The following ASTN2 variants were observed in gnomAD, a reference collection of about 807,000 sequenced individuals.
The protein encoded by ASTN2 is astrotactin 2.
ASTN2 carries 54 observed loss-of-function variants against 139.8 expected under a neutral mutation model. That is an observed-to-expected ratio of 0.39 (90% CI 0.31 to 0.48). The LOEUF (loss-of-function observed/expected upper bound fraction) is 0.48, where lower values mean the gene tolerates loss of function less well. Among genes scored for constraint, ASTN2 ranks in the 20% least tolerant of loss-of-function variants. The probability of loss-of-function intolerance (pLI) is 0.95; values close to 1 mark genes in which losing one functional copy is unlikely to be tolerated. For missense variants in ASTN2, 1,565 were observed against 1,725.1 expected, an observed-to-expected ratio of 0.91 and a Z score of 1.64; for synonymous variants, 756 against 719.5, an observed-to-expected ratio of 1.05 and a Z score of -0.81.
At chr9:116,788,263 T>C (rs1028232004) in intron 13 of ASTN2, among the ~76,000 whole-genome samples, 1 of 152,156 alleles carries the variant, frequency 6.6e-6, no homozygotes, top group Middle Eastern at 3.2e-3. Flanking sequence ...AGTCCATTGC[T>C]CAGTGTGGTG....
intron 13 of ASTN2, among the ~76,000 whole-genome samples, chr9:116,803,502 ATATATATATATATATATATATTTTTTTTT>A (rs1223410128): frequency 4.8e-4 from 4 of 8,340 alleles, no homozygotes; most frequent in Admixed American, 2.0e-3. Flanking sequence ...ATATATATAT[ATATATATATATATATATATATTTTTTTTT>A]TTTTTTTTTT....
intron 2 of ASTN2, among the ~76,000 whole-genome samples, chr9:117,249,963 C>A (rs1284444785): frequency 1.3e-5 from 2 of 152,304 alleles, no homozygotes; most frequent in Non-Finnish European, 2.9e-5. Flanking sequence ...TCACTAACCG[C>A]CCACTCTGAG....
chr9:116,969,471 G>A (rs1836120537), intron 10 of ASTN2, among the ~76,000 whole-genome samples: 3 of 152,110 alleles, frequency 2.0e-5, no homozygotes, highest in Admixed American at 1.3e-4. Flanking sequence ...TGGGAAAGGG[G>A]GCATCTCATT....
chr9:116,480,728 G>A (rs1006939275), intron 20 of ASTN2, among the ~76,000 whole-genome samples: 1 of 152,172 alleles, frequency 6.6e-6, no homozygotes, highest in Non-Finnish European at 1.5e-5. Context: ...CACATGGGAA[G>A]AGTCAAGGGA....
chr9:117,387,597 G>A (rs1830431779), intron 1 of ASTN2, among the ~76,000 whole-genome samples: 1 of 152,194 alleles, frequency 6.6e-6, no homozygotes, highest in Admixed American at 6.5e-5. Context: ...ACATTAGTGG[G>A]AAGATAAGAT....
chr9:117,047,308 G>C (rs1480483072), intron 5 of ASTN2, among the ~76,000 whole-genome samples: 1 of 152,108 alleles, frequency 6.6e-6, no homozygotes, highest in Non-Finnish European at 1.5e-5. Flanking sequence ...CTCAATATGG[G>C]ACATATTTTC....
intron 11 of ASTN2, among the ~76,000 whole-genome samples, chr9:116,843,177 A>G (rs1326228698): frequency 6.6e-6 from 1 of 152,214 alleles, no homozygotes; most frequent in African/African-American, 2.4e-5. Context: ...TAGCAAAGAC[A>G]TGGACTCAAC....
intron 5 of ASTN2, among the ~76,000 whole-genome samples, chr9:117,050,275 G>T (rs1019927709): frequency 6.6e-6 from 1 of 152,126 alleles, no homozygotes; most frequent in Non-Finnish European, 1.5e-5. Context: ...TCCATGAAAG[G>T]TTCATTTCTA....
At chr9:116,776,017 G>T (rs73519456) in intron 13 of ASTN2, among the ~76,000 whole-genome samples, 4,460 of 152,172 alleles carry the variant, frequency 0.029, 157 homozygotes, top group East Asian at 0.075. Context: ...CCTGCATAAG[G>T]GTGCCCCACT....
chr9:117,055,434 T>C (rs1587910196), intron 5 of ASTN2, among the ~76,000 whole-genome samples: 4 of 152,194 alleles, frequency 2.6e-5, no homozygotes, highest in South Asian at 2.1e-4. Context: ...CTGAGCAACA[T>C]AGTAACACAC....
intron 6 of ASTN2, among the ~76,000 whole-genome samples, chr9:117,020,034 GTGTGTGTGTGTA>G (rs1837830533): frequency 6.6e-6 from 1 of 151,068 alleles, no homozygotes; most frequent in East Asian, 1.9e-4. Context: ...GTGTGTGTGT[GTGTGTGTGTGTA>G]TGTGTGTGTG....
intron 13 of ASTN2, among the ~76,000 whole-genome samples, chr9:116,800,670 C>T (rs990907059): frequency 1.3e-4 from 20 of 152,162 alleles, no homozygotes; most frequent in African/African-American, 4.3e-4. Context: ...TGCATACATC[C>T]TTTATTGCAG....
At chr9:116,778,962 C>T (rs889956617) in intron 13 of ASTN2, among the ~76,000 whole-genome samples, 25 of 152,280 alleles carry the variant, frequency 1.6e-4, no homozygotes, top group African/African-American at 6.0e-4. Context: ...CTGTTAGGTA[C>T]AGTCAGAATG....
chr9:116,721,598 G>A (rs562611074), intron 16 of ASTN2, among the ~76,000 whole-genome samples: 32 of 152,312 alleles, frequency 2.1e-4, no homozygotes, highest in Admixed American at 1.3e-3. Context: ...AAACCTGACA[G>A]GCTAAACAGC....
chr9:116,686,856 C>A, intron 16 of ASTN2: 1 of 1,548,096 alleles, frequency 6.5e-7, no homozygotes, highest in Non-Finnish European at 8.7e-7. Flanking sequence ...GAACATGAGG[C>A]CAAAGCACTG....
chr9:117,261,455 C>G (rs1262122091), intron 2 of ASTN2, among the ~76,000 whole-genome samples: 1 of 152,156 alleles, frequency 6.6e-6, no homozygotes, highest in Non-Finnish European at 1.5e-5. Flanking sequence ...ACGTCTGATT[C>G]CACTTTCATG....
intron 2 of ASTN2, among the ~76,000 whole-genome samples, chr9:117,268,064 A>G (rs1050694052): frequency 6.6e-6 from 1 of 152,218 alleles, no homozygotes; most frequent in Non-Finnish European, 1.5e-5. Flanking sequence ...GGAATAGATT[A>G]TAAATGTGGT....
chr9:116,547,762 A>C (rs2119385968), intron 19 of ASTN2: 1 of 152,298 alleles, frequency 6.6e-6, no homozygotes, highest in South Asian at 2.1e-4. Context: ...CCAGTGTCTG[A>C]GAGGAGGGCT....
intron 3 of ASTN2, among the ~76,000 whole-genome samples, chr9:117,208,003 A>C (rs1186191604): frequency 6.6e-6 from 1 of 152,224 alleles, no homozygotes; most frequent in Admixed American, 6.5e-5. Flanking sequence ...AAGTTATACA[A>C]ATAAGTCTTT....
Sources: gnomAD v4.1 joint callset for allele counts (sites outside exome capture counted in the v4.1 genomes callset) on GRCh38, gnomAD v4.1.1 for gene constraint, MANE v1.5 for transcripts, NCBI Gene and HGNC (gene_info 2026-07-23, HGNC 2026-07-21) for gene names.